Variants in DYRK1A observed in about 807,000 individuals in gnomAD.
The protein encoded by DYRK1A is dual specificity tyrosine phosphorylation regulated kinase 1A.
DYRK1A carries 9 observed loss-of-function variants against 79.7 expected under a neutral mutation model. That is an observed-to-expected ratio of 0.11 (90% CI 0.07 to 0.20). The LOEUF (loss-of-function observed/expected upper bound fraction) is 0.20, where lower values mean the gene tolerates loss of function less well. Ranked by LOEUF, DYRK1A falls within the 10% of genes least tolerant of loss-of-function variation. The pLI, the probability that DYRK1A is intolerant of heterozygous loss-of-function variation, is 1.00. For missense variants in DYRK1A, 622 were observed against 956.0 expected (o/e 0.65, Z 4.61); for synonymous variants, 349 against 329.7 (o/e 1.06, Z -0.63).
chr21:37,411,049 TAAAAAA>T (rs35292922), intron 1 of DYRK1A, among the ~76,000 whole-genome samples: 89 of 56,440 alleles, frequency 1.6e-3, no homozygotes, highest in South Asian at 5.6e-3. Flanking sequence ...ATTCTGTCTT[TAAAAAA>T]AAAAAAAAAA....
In DYRK1A at chr21:37,367,274, C is replaced by CA. The variant is rs1205430491; in HGVS notation, c.-427dup. The CA allele has an allele frequency of 6.6e-6, 1 of 151,290 alleles. No individual in the cohort carries two copies. The highest frequency in any genetic ancestry group is 2.4e-5 in the African/African-American group (1 of 41,306). 9.4% of individuals were successfully genotyped at this position (151,290 alleles called of 1,614,324 possible). On this transcript the variant is annotated 5_prime_UTR_variant, in exon 1 of 12. Transcript: ENST00000647188. ...AGCGCGCGCCATTTTGTGAGATTTA[C>CA]AAAATCCTCCTCGGGAAGAAGCCGC...
chr21:37,413,064 C>T (rs1487227404), intron 1 of DYRK1A, among the ~76,000 whole-genome samples: 1 of 152,106 alleles, frequency 6.6e-6, no homozygotes, highest in East Asian at 1.9e-4. Context: ...TGGAGGATAG[C>T]TAGTGTTGTG....
At chr21:37,500,435 A>C (rs1450026558) in intron 9 of DYRK1A, among the ~76,000 whole-genome samples, 1 of 152,150 alleles carries the variant, frequency 6.6e-6, no homozygotes, top group Non-Finnish European at 1.5e-5. Flanking sequence ...ACATTTTATT[A>C]ATAAAACCAT....
At chr21:37,374,740 A>G (rs1220636885) in intron 1 of DYRK1A, among the ~76,000 whole-genome samples, 4 of 152,014 alleles carry the variant, frequency 2.6e-5, no homozygotes, top group Non-Finnish European at 5.9e-5. Flanking sequence ...TTTTTAGTAG[A>G]GACGGGGTTT....
At chr21:37,371,940 T>A (rs1296457806) in intron 1 of DYRK1A, among the ~76,000 whole-genome samples, 1 of 152,178 alleles carries the variant, frequency 6.6e-6, no homozygotes, top group East Asian at 1.9e-4. Flanking sequence ...TTTTAATTTT[T>A]AAAAAAGCTT....
chr21:37,369,342 A>G (rs1443331400), intron 1 of DYRK1A, among the ~76,000 whole-genome samples: 1 of 152,214 alleles, frequency 6.6e-6, no homozygotes, highest in East Asian at 1.9e-4. Context: ...CTAAAGTTTC[A>G]TGTGTTAAGG....
At chr21:37,478,325 CATCT>C in intron 4 of DYRK1A, 25 bp downstream of exon 4, 1 of 1,604,568 alleles carries the variant, frequency 6.2e-7, no homozygotes, top group East Asian at 2.2e-5. Context: ...GTTATAATAA[CATCT>C]ATCTTGCAGT....
At chr21:37,474,886 A>C (rs1355940766) in intron 3 of DYRK1A, among the ~76,000 whole-genome samples, 5 of 152,220 alleles carry the variant, frequency 3.3e-5, no homozygotes, top group Admixed American at 6.5e-5. Flanking sequence ...TATGTGTTAT[A>C]GATGCTATTC....
At chr21:37,478,160 A>G in intron 3 of DYRK1A, 48 bp from the exon 4 acceptor site, 3 of 1,610,224 alleles carry the variant, frequency 1.9e-6, no homozygotes, top group Non-Finnish European at 2.5e-6. Flanking sequence ...TTAAAGTGCT[A>G]GTCTTTTCTG....
At chr21:37,506,993 C>G (rs1033436812) in intron 11 of DYRK1A, among the ~76,000 whole-genome samples, 3 of 152,226 alleles carry the variant, frequency 2.0e-5, no homozygotes, top group Non-Finnish European at 4.4e-5. Flanking sequence ...GGCAGTCTTA[C>G]ATGTTTTCCA....
At chr21:37,465,374 G>C (rs2051990992) in intron 2 of DYRK1A, among the ~76,000 whole-genome samples, 1 of 152,086 alleles carries the variant, frequency 6.6e-6, no homozygotes, top group South Asian at 2.1e-4. Context: ...TTTATAACTA[G>C]AAAAGTAAAT....
At chr21:37,511,804 C>T (rs2053755858) in intron 11 of DYRK1A, 107 bp from the exon 12 acceptor site, 1 of 1,314,042 alleles carries the variant, frequency 7.6e-7, no homozygotes, top group Non-Finnish European at 1.0e-6. Flanking sequence ...AAAACCGTTT[C>T]CCCCTGATTA....
chr21:37,476,356 C>T (rs2052392240), intron 3 of DYRK1A, among the ~76,000 whole-genome samples: 1 of 152,142 alleles, frequency 6.6e-6, no homozygotes, highest in Admixed American at 6.6e-5. Flanking sequence ...CAGTAAATAC[C>T]TGCTACTGTT....
intron 2 of DYRK1A, among the ~76,000 whole-genome samples, chr21:37,440,931 T>G (rs1033230584): frequency 6.6e-6 from 1 of 152,190 alleles, no homozygotes; most frequent in Non-Finnish European, 1.5e-5. Context: ...TCGGTAGTGT[T>G]GATCAGATCT....
At position 37,516,776 on chromosome 21, in the gene DYRK1A, A is replaced by C. The variant is rs1167222150; in HGVS notation, c.*4245A>C. 1 of 151,888 alleles carries C rather than the reference A, an allele frequency of 6.6e-6. No individual in the cohort carries two copies. The highest frequency in any genetic ancestry group is 6.6e-5 in the Admixed American group (1 of 15,266). The allele number at this position is 151,888 out of a possible 1,614,324, so 9.4% of individuals were successfully genotyped here. ...GTGGGTGTTCTTGCATCAGAACTTT[A>C]AAAAAAATAACACTACCTTAACACT... On this transcript the variant is annotated 3_prime_UTR_variant, in exon 12 of 12. Coordinates refer to ENST00000647188, the MANE Select transcript of DYRK1A (RefSeq NM_001347721.2).
In DYRK1A at chr21:37,403,811, T is replaced by C. The variant is rs1248994528; in HGVS notation, c.-76-16488T>C. ...TTGATGAATACTGTTTTTTTTTTTT[T>C]CTTCTCCTAAGAAGGTTGATTTTTG... On this transcript the variant is annotated intron_variant, in intron 1 of 11. Coordinates refer to ENST00000647188, the MANE Select transcript of DYRK1A (RefSeq NM_001347721.2). Among the ~76,000 whole-genome samples the C allele has an allele frequency of 4.6e-5, 7 of 151,556 alleles. 1 individual carries two copies. The South Asian group carries it at 1.0e-3, about 23-fold the overall frequency.
At chr21:37,375,960 C>T (rs1001779444) in intron 1 of DYRK1A, among the ~76,000 whole-genome samples, 1 of 152,034 alleles carries the variant, frequency 6.6e-6, no homozygotes, top group Non-Finnish European at 1.5e-5. Context: ...CCAAGCCCCC[C>T]TCTTCCTATA....
At chr21:37,459,766 C>T (rs1024678058) in intron 2 of DYRK1A, among the ~76,000 whole-genome samples, 6 of 152,192 alleles carry the variant, frequency 3.9e-5, no homozygotes, top group African/African-American at 1.2e-4. Context: ...TATATGGATT[C>T]TGCTAGCCTA....
At chr21:37,372,935 TTA>T (rs2049461770) in intron 1 of DYRK1A, among the ~76,000 whole-genome samples, 1 of 152,224 alleles carries the variant, frequency 6.6e-6, no homozygotes, top group Non-Finnish European at 1.5e-5. Context: ...ATATATGTTC[TTA>T]TATATAATTG....
Sources: gnomAD v4.1 joint callset for allele counts (sites outside exome capture counted in the v4.1 genomes callset) on GRCh38, gnomAD v4.1.1 for gene constraint, MANE v1.5 for transcripts, NCBI Gene and HGNC (gene_info 2026-07-23, HGNC 2026-07-21) for gene names.